The following SHPRH variants were observed in gnomAD, a reference collection of about 807,000 sequenced individuals.
SHPRH encodes SNF2 histone linker PHD RING helicase.
In SHPRH, 106 loss-of-function variants were observed where a neutral mutation model predicts 202.5. The ratio of observed to expected loss-of-function variants is 0.52; its 90% CI spans 0.45 to 0.62. The LOEUF (loss-of-function observed/expected upper bound fraction) is 0.62. SHPRH is among the 20% of genes least tolerant of loss of function. The pLI, the probability that SHPRH is intolerant of heterozygous loss-of-function variation, is 0.00. For synonymous variants in SHPRH, 729 were observed against 686.0 expected, an observed-to-expected ratio of 1.06 and a Z score of -0.98; for missense variants, 1,710 against 2,020.0, an observed-to-expected ratio of 0.85 and a Z score of 2.94.
chr6:145,893,731 G>A lies in SHPRH; in HGVS notation c.4696-338C>T, dbSNP rs933376099. On this transcript the variant is annotated intron_variant, in intron 27 of 29. Transcript: ENST00000275233. ...AATGTGAGATAAGAGACATGAATCTGCTAAATTTTCATTTGGTCTCTGTGT... is the reference window on the plus strand; with the variant it reads ...AATGTGAGATAAGAGACATGAATCTACTAAATTTTCATTTGGTCTCTGTGT... Among the ~76,000 whole-genome samples, 17 of 152,168 alleles carry A rather than the reference G, an allele frequency of 1.1e-4. No homozygotes were observed. In the East Asian group the frequency reaches 2.7e-3, roughly 24 times the overall value.
Position 145,885,776 on chromosome 6 carries a change from T to C in SHPRH, c.*915A>G, listed in dbSNP as rs1780950458. On this transcript the variant is annotated 3_prime_UTR_variant, in exon 30 of 30. Transcript: ENST00000275233. ...AACAACTCTACCATGAATTCAGATA[T>C]CACTGGCTAAAAAGTCTAGTTACAC... 6.6e-6 allele frequency: 1 copy of C among 151,832 alleles called. No individual in the cohort carries two copies. Among genetic ancestry groups the C allele is most frequent in the South Asian group, 2.1e-4 (1 of 4,824 alleles). The allele number at this position is 151,832 out of a possible 1,614,324, so 9.4% of individuals were successfully genotyped here. A position where few individuals can be genotyped will look rare whatever the true frequency, so the allele number is the denominator to read the frequency against.
intron 1 of SHPRH, among the ~76,000 whole-genome samples, chr6:145,957,569 C>A (rs1172603442): frequency 6.6e-6 from 1 of 151,924 alleles, no homozygotes; most frequent in Non-Finnish European, 1.5e-5. Flanking sequence ...CAAAGATGAC[C>A]TATAAGTGTA....
intron 14 of SHPRH, chr6:145,927,483 T>C: frequency 2.6e-6 from 1 of 391,758 alleles, no homozygotes; most frequent in Non-Finnish European, 4.6e-6. Flanking sequence ...TTCCATGGAA[T>C]ATAATGTTCT....
chr6:145,952,537 G>A (rs1306050208), intron 2 of SHPRH, 59 bp from the exon 3 acceptor site: 6 of 1,483,904 alleles, frequency 4.0e-6, no homozygotes, highest in African/African-American at 2.8e-5. Flanking sequence ...TTCTTTATGA[G>A]GACATAAGCA....
At position 145,964,077 on chromosome 6, in the gene SHPRH, C is replaced by G. The variant is rs1789405591; in HGVS notation, c.-379G>C. ...CCAGGACAACCAGCGTCCTCCCTCC[C>G]TGGTCCCGGAGGCCAAAGACCACCT... On this transcript the variant is annotated 5_prime_UTR_variant, in exon 1 of 30. Coordinates refer to ENST00000275233, the MANE Select transcript of SHPRH (RefSeq NM_001042683.3). The G allele has an allele frequency of 6.6e-6, 1 of 152,390 alleles. No individual in the cohort carries two copies. Among genetic ancestry groups the G allele is most frequent in the Non-Finnish European group, 1.5e-5 (1 of 68,198 alleles). The allele number at this position is 152,390 out of a possible 1,614,324, so 9.4% of individuals were successfully genotyped here.
rs757092110 is a variant in SHPRH, at chr6:145,935,352, T to C, written c.2659A>G (p.Lys887Glu). The C allele has an allele frequency of 2.2e-5, 36 of 1,613,960 alleles. No individual in the cohort carries two copies. The South Asian group carries it at 2.9e-4, about 13-fold the overall frequency. Reference sequence around the variant, plus strand: ...AAGCTGTAGAGATGCTGAGGATTCTTCTTGCAGTAAGGCCGATAGAGAAGT... The same window carrying C: ...AAGCTGTAGAGATGCTGAGGATTCTCCTTGCAGTAAGGCCGATAGAGAAGT... ...VRLLYRPYCKKNPQHLYSFIA... is the reference protein window; with the variant it reads ...VRLLYRPYCKENPQHLYSFIA... The change falls in exon 12 of 30, where the codon AAG becomes GAG. Residue 887 changes from lysine (K) to glutamate (E), a missense_variant. Lys to Glu is a moderately conservative substitution (Grantham distance 56, BLOSUM62 1). This residue lies in a region of SHPRH where 277 missense variants were observed against 363.0 expected (regional missense o/e 0.76). Transcript: ENST00000275233.
At chr6:145,873,454 T>A (rs1404179399) in intron 2 of SHPRH, among the ~76,000 whole-genome samples, 1 of 152,178 alleles carries the variant, frequency 6.6e-6, no homozygotes, top group African/African-American at 2.4e-5. Context: ...AACTTCCAGT[T>A]AATAAGTTCA....
At position 145,964,233 on chromosome 6, in the gene SHPRH, C is replaced by A. The variant is rs529517321; in HGVS notation, c.-535G>T. On this transcript the variant is annotated 5_prime_UTR_variant, in exon 1 of 30. Transcript: ENST00000275233. Reference sequence around the variant, plus strand: ...CTCTACAGACCCAGCAGATCACGGGCACGCATTCGCCACCCACCGAACATG... The same window carrying A: ...CTCTACAGACCCAGCAGATCACGGGAACGCATTCGCCACCCACCGAACATG... 1 of 152,460 alleles carries A rather than the reference C, an allele frequency of 6.6e-6. No homozygotes were observed. The highest frequency in any genetic ancestry group is 6.5e-5 in the Admixed American group (1 of 15,298). The allele number at this position is 152,460 out of a possible 1,614,324, so 9.4% of individuals were successfully genotyped here. A position where few individuals can be genotyped will look rare whatever the true frequency, so the allele number is the denominator to read the frequency against.
chr6:145,886,587 A>G lies in SHPRH; in HGVS notation c.*104T>C. On this transcript the variant is annotated 3_prime_UTR_variant, in exon 30 of 30. Coordinates refer to ENST00000275233, the MANE Select transcript of SHPRH (RefSeq NM_001042683.3). ...AATAAACAAATTCATTCAACTAGGAACAGTGTTACTGTTATCTACTGGGTT... is the reference window on the plus strand; with the variant it reads ...AATAAACAAATTCATTCAACTAGGAGCAGTGTTACTGTTATCTACTGGGTT... The G allele has an allele frequency of 6.5e-7, 1 of 1,530,204 alleles. No homozygotes were observed. Among genetic ancestry groups the G allele is most frequent in the East Asian group, 2.3e-5 (1 of 43,140 alleles). 94.8% of individuals were successfully genotyped at this position (1,530,204 alleles called of 1,614,324 possible).
chr6:145,909,777 A>T (rs1783324638), intron 25 of SHPRH: 1 of 149,810 alleles, frequency 6.7e-6, no homozygotes, highest in Non-Finnish European at 1.5e-5. Flanking sequence ...TAGAAAAAAA[A>T]TATTAAAAAA....
chr6:145,951,695 G>A (rs1323058661), intron 3 of SHPRH: 1 of 434,388 alleles, frequency 2.3e-6, no homozygotes, highest in Admixed American at 2.4e-5. Context: ...TGCAAAGAAT[G>A]TACTAGAGAA....
intron 2 of SHPRH, among the ~76,000 whole-genome samples, chr6:145,874,060 TG>T (rs1490434969): frequency 2.0e-5 from 3 of 151,946 alleles, no homozygotes; most frequent in Admixed American, 6.5e-5. Flanking sequence ...TAGCGGCGCA[TG>T]GTGGAGCAAG....
chr6:145,923,936 T>G (rs979652566), intron 17 of SHPRH, 151 bp from the exon 18 acceptor site: 6 of 634,868 alleles, frequency 9.5e-6, no homozygotes, highest in Non-Finnish European at 1.5e-5. Context: ...GTATACATAT[T>G]CCATGTACAA....
At chr6:145,908,438 CT>C (rs1447094145) in intron 25 of SHPRH, 1 of 152,140 alleles carries the variant, frequency 6.6e-6, no homozygotes, top group Non-Finnish European at 1.5e-5. Context: ...TGTTTGTTGA[CT>C]TTTTAATAAT....
chr6:145,959,022 G>C (rs567337408), intron 1 of SHPRH, among the ~76,000 whole-genome samples: 4 of 152,056 alleles, frequency 2.6e-5, no homozygotes, highest in African/African-American at 4.8e-5. Context: ...ATTTTTAGTA[G>C]AGACGGGGTT....
In SHPRH at chr6:145,926,184, A is replaced by G; in HGVS notation, c.3294+20T>C. 1 of 1,605,862 alleles carries G rather than the reference A, an allele frequency of 6.2e-7. No individual in the cohort carries two copies. Among genetic ancestry groups the G allele is most frequent in the Non-Finnish European group, 8.5e-7 (1 of 1,173,160 alleles). ...TTGAAGAAAATATACTTTTATAGAC[A>G]GAATGAAAAAAATAATTACCTCTTC... On this transcript the variant is annotated intron_variant, in intron 16 of 29. Coordinates refer to ENST00000275233, the MANE Select transcript of SHPRH (RefSeq NM_001042683.3).
At chr6:145,864,017 G>C (rs563616145), downstream of SHPRH, among the ~76,000 whole-genome samples, 4 of 152,254 alleles carry the variant, frequency 2.6e-5, no homozygotes, top group East Asian at 7.7e-4. Flanking sequence ...TGAGTGTCTG[G>C]CTTGTGCTGT....
chr6:145,900,795 A>C (rs1380321044), intron 25 of SHPRH, among the ~76,000 whole-genome samples: 1 of 152,080 alleles, frequency 6.6e-6, no homozygotes, highest in Admixed American at 6.6e-5. Context: ...ATCTTACGTA[A>C]ATTATTATAG....
intron 10 of SHPRH, 105 bp from the exon 11 acceptor site, chr6:145,940,906 C>A (rs1562350972): frequency 9.6e-7 from 1 of 1,044,884 alleles, no homozygotes. Context: ...AGCTACACTT[C>A]TGGTGAGATG....
Sources: allele counts gnomAD v4.1 joint callset (sites outside exome capture counted in the v4.1 genomes callset), GRCh38; gene constraint gnomAD v4.1.1; regional missense constraint gnomAD v4.1.1; transcripts MANE v1.5; gene names NCBI Gene and HGNC (gene_info 2026-07-23, HGNC 2026-07-21).